CELF2: variants seen among roughly 807,000 people sequenced by gnomAD.
CELF2 encodes the protein CUGBP Elav-like family member 2, also known as CUG triplet repeat RNA-binding protein 2.
In CELF2, 8 loss-of-function variants were observed where a neutral mutation model predicts 62.6. That is an observed-to-expected ratio of 0.13 (90% confidence interval 0.07 to 0.23). The LOEUF is 0.23. CELF2 is among the 10% of genes least tolerant of loss of function. The pLI is 1.00. For synonymous variants in CELF2, 258 were observed against 250.0 expected (o/e 1.03, Z -0.30); for missense variants, 333 against 671.0 (o/e 0.50, Z 5.56).
At chr10:11,222,785 T>TA (rs1312741533) in intron 3 of CELF2, among the ~76,000 whole-genome samples, 4 of 152,278 alleles carry the variant, frequency 2.6e-5, no homozygotes, top group South Asian at 2.1e-4. Context: ...TTTTATTTTC[T>TA]AAAAAAAGAT....
intron 1 of CELF2, among the ~76,000 whole-genome samples, chr10:11,109,847 T>C (rs1389027401): frequency 1.3e-5 from 2 of 152,194 alleles, no homozygotes; most frequent in East Asian, 1.9e-4. Context: ...CCCCTGACTT[T>C]GTAGCAAAAG....
chr10:10,516,441 A>G, the CELF2 span, among the ~76,000 whole-genome samples: 1 of 152,220 alleles, frequency 6.6e-6, no homozygotes, highest in Admixed American at 6.5e-5. Flanking sequence ...TGTTTATTTT[A>G]AGAAATAAAA....
At chr10:10,732,739 G>A in the CELF2 span, among the ~76,000 whole-genome samples, 4 of 152,064 alleles carry the variant, frequency 2.6e-5, no homozygotes, top group African/African-American at 7.2e-5. Flanking sequence ...GGCCAGGCTG[G>A]TCTTGAACTC....
intron 1 of CELF2, among the ~76,000 whole-genome samples, chr10:11,073,593 C>T (rs2480796): frequency 0.27 from 41,164 of 152,142 alleles, 6,182 homozygotes; most frequent in African/African-American, 0.39. Flanking sequence ...CTAAAGACTT[C>T]ATGTGTGGAC....
Position 11,314,480 on chromosome 10 carries a change from A to T in CELF2, c.1096+222A>T, listed in dbSNP as rs569234355. Reference sequence around the variant, plus strand: ...CACCCCCAGATTCTCTTCAGTGTGTAGCACAGCGCGTGTGCTCATCCATGG... The same window carrying T: ...CACCCCCAGATTCTCTTCAGTGTGTTGCACAGCGCGTGTGCTCATCCATGG... On this transcript the variant is annotated intron_variant, in intron 10 of 12. Transcript: ENST00000633077. The surrounding 1 kb of genome is among the most constrained non-coding windows in gnomAD (Gnocchi z 5.3). 1.3e-4 allele frequency: 81 copies of T among 620,062 alleles called. No individual in the cohort carries two copies. The highest frequency in any genetic ancestry group is 1.2e-3 in the African/African-American group (67 of 55,558). The allele number at this position is 620,062 out of a possible 1,614,324, so 38.4% of individuals were successfully genotyped here. A position where few individuals can be genotyped will look rare whatever the true frequency, so the allele number is the denominator to read the frequency against.
chr10:11,061,740 C>T (rs1189872972), intron 1 of CELF2, among the ~76,000 whole-genome samples: 2 of 152,194 alleles, frequency 1.3e-5, no homozygotes, highest in African/African-American at 4.8e-5. Flanking sequence ...CGTACTCTTC[C>T]AGTGCTCTGT....
intron 9 of CELF2, among the ~76,000 whole-genome samples, chr10:11,308,667 A>T (rs1159183954): frequency 6.6e-6 from 1 of 152,246 alleles, no homozygotes; most frequent in East Asian, 1.9e-4. Flanking sequence ...TTTATTTATT[A>T]ATTAAAGTTG....
At chr10:11,066,993 C>T (rs1167140789) in intron 1 of CELF2, among the ~76,000 whole-genome samples, 1 of 152,132 alleles carries the variant, frequency 6.6e-6, no homozygotes, top group Admixed American at 6.5e-5. Context: ...GAACTCTTGC[C>T]TACAGGTAGA....
rs956672088 is a variant in CELF2, at chr10:10,931,464, A to G, written c.89+11465A>G. 2.0e-5 allele frequency among the ~76,000 whole-genome samples: 3 copies of G among 151,860 alleles called. No homozygotes were observed. Among genetic ancestry groups the G allele is most frequent in the African/African-American group, 7.3e-5 (3 of 41,312 alleles). Reference sequence around the variant, plus strand: ...ATGATTATCCAGTGAGTAAGTGGAAACTCTATTTACCACCACAGTTATAGC... The same window carrying G: ...ATGATTATCCAGTGAGTAAGTGGAAGCTCTATTTACCACCACAGTTATAGC... On this transcript the variant is annotated intron_variant, in intron 2 of 13. Transcript: ENST00000636488. This position sits in a 1 kb window ranked among gnomAD's most constrained non-coding sequence, Gnocchi z 6.1.
intron 1 of CELF2, among the ~76,000 whole-genome samples, chr10:11,161,908 CAT>C (rs1396059847): frequency 1.3e-5 from 2 of 152,138 alleles, no homozygotes; most frequent in African/African-American, 4.8e-5. Flanking sequence ...CTGTTGAACA[CAT>C]AATTTCTGGC....
At chr10:11,053,826 G>A (rs1403086835) in intron 1 of CELF2, among the ~76,000 whole-genome samples, 3 of 151,964 alleles carry the variant, frequency 2.0e-5, no homozygotes, top group African/African-American at 7.3e-5. Flanking sequence ...ATGTTAGCCA[G>A]GACGGTCTCA....
intron 1 of CELF2, among the ~76,000 whole-genome samples, chr10:10,845,328 C>G (rs774839391): frequency 2.2e-5 from 3 of 138,578 alleles, no homozygotes; most frequent in Admixed American, 1.4e-4. Context: ...CAGTTCATTG[C>G]TCCAAAAAAA....
chr10:10,716,514 G>T, the CELF2 span, among the ~76,000 whole-genome samples: 1 of 152,184 alleles, frequency 6.6e-6, no homozygotes, highest in African/African-American at 2.4e-5. Context: ...GTACTCCAGC[G>T]TGGGTGATAA....
chr10:10,483,037 G>A, the CELF2 span, among the ~76,000 whole-genome samples: 8 of 152,102 alleles, frequency 5.3e-5, no homozygotes, highest in Middle Eastern at 3.4e-3. Flanking sequence ...TTAAAGAGCC[G>A]GGTACTTCCT....
At chr10:10,809,755 G>A (rs978513752) in intron 1 of CELF2, among the ~76,000 whole-genome samples, 2 of 152,074 alleles carry the variant, frequency 1.3e-5, no homozygotes, top group East Asian at 1.9e-4. Context: ...AATTATTCTT[G>A]AACTGAAGTT....
the CELF2 span, among the ~76,000 whole-genome samples, chr10:10,617,709 A>AG: frequency 1.1e-3 from 165 of 151,514 alleles, no homozygotes; most frequent in African/African-American, 3.5e-3. Flanking sequence ...GGCTTTGTAA[A>AG]GGGGGGGGAA....
At chr10:11,183,122 G>A (rs1371494850) in intron 2 of CELF2, among the ~76,000 whole-genome samples, 2 of 152,184 alleles carry the variant, frequency 1.3e-5, no homozygotes, top group Non-Finnish European at 2.9e-5. Context: ...CACCTTGGCA[G>A]TCCCTTCTGT....
intron 12 of CELF2, among the ~76,000 whole-genome samples, chr10:11,327,724 A>G (rs539630041): frequency 1.6e-3 from 249 of 152,372 alleles, no homozygotes; most frequent in African/African-American, 5.8e-3. Context: ...AAATGTAAAC[A>G]GCCACTTCTT....
chr10:10,745,612 C>A, the CELF2 span, among the ~76,000 whole-genome samples: 4 of 152,142 alleles, frequency 2.6e-5, no homozygotes, highest in Non-Finnish European at 5.9e-5. Context: ...AAACCAGTTC[C>A]ATTTCCCTCC....
Sources: gnomAD v4.1 joint callset for allele counts (sites outside exome capture counted in the v4.1 genomes callset) on GRCh38, gnomAD v4.1.1 for gene constraint, Gnocchi (gnomAD v3.1) non-coding constraint, MANE v1.5 for transcripts, NCBI Gene and HGNC (gene_info 2026-07-23, HGNC 2026-07-21) for gene names.